The following SOX5 variants were observed in gnomAD, a reference collection of about 807,000 sequenced individuals.
SOX5 encodes the protein SRY-box transcription factor 5, also known as transcription factor SOX-5.
Under a neutral mutation model 92.0 loss-of-function variants are expected in SOX5, and 9 were observed. That is an observed-to-expected ratio of 0.10 (90% CI 0.06 to 0.17). The LOEUF (loss-of-function observed/expected upper bound fraction) is 0.17, where lower values mean the gene tolerates loss of function less well. Ranked by LOEUF, SOX5 falls within the 10% of genes least tolerant of loss-of-function variation. The pLI is 1.00. For synonymous variants in SOX5, 344 were observed against 336.3 expected (o/e 1.02, Z -0.25); for missense variants, 642 against 944.5 (o/e 0.68, Z 4.20).
chr12:23,599,722 TTGA>T (rs1953117255), intron 9 of SOX5, among the ~76,000 whole-genome samples: 1 of 152,214 alleles, frequency 6.6e-6, no homozygotes, highest in Non-Finnish European at 1.5e-5. Flanking sequence ...TGAGGACTTC[TTGA>T]TAACACAGAA....
intron 4 of SOX5, among the ~76,000 whole-genome samples, chr12:24,101,982 G>C (rs1352853063): frequency 1.3e-5 from 2 of 152,128 alleles, no homozygotes; most frequent in South Asian, 2.1e-4. Flanking sequence ...TGCAGCAAAG[G>C]ATTTCCTTTA....
At chr12:24,508,088 G>A (rs1377123566) in intron 1 of SOX5, among the ~76,000 whole-genome samples, 1 of 152,178 alleles carries the variant, frequency 6.6e-6, no homozygotes, top group African/African-American at 2.4e-5. Context: ...GCAGCCTCAA[G>A]TTCCATGCTA....
In SOX5 at chr12:23,800,250, C is replaced by T. The variant is rs75263422; in HGVS notation, c.482-44526G>A. On this transcript the variant is annotated intron_variant, in intron 3 of 14. Coordinates refer to ENST00000451604, the MANE Select transcript of SOX5 (RefSeq NM_006940.6). ...GTCTATAAGTAAAGTTTTGTTGGAA[C>T]ACACACAAAAATAAATTAACAAAAT... Among the ~76,000 whole-genome samples, 1,472 of 152,126 alleles carry T rather than the reference C, an allele frequency of 9.7e-3. 27 individuals carry two copies. The highest frequency in any genetic ancestry group is 0.033 in the African/African-American group (1,372 of 41,510).
intron 3 of SOX5, among the ~76,000 whole-genome samples, chr12:24,257,940 C>T (rs567326832): frequency 9.2e-5 from 14 of 151,946 alleles, no homozygotes; most frequent in African/African-American, 2.9e-4. Context: ...TTTGGGAGGC[C>T]GAGGCAAGTG....
chr12:24,422,670 T>C (rs1021065080), intron 1 of SOX5, among the ~76,000 whole-genome samples: 1 of 152,230 alleles, frequency 6.6e-6, no homozygotes, highest in East Asian at 1.9e-4. Context: ...ATATATTGAT[T>C]GCTTGAGGCC....
intron 4 of SOX5, among the ~76,000 whole-genome samples, chr12:24,172,020 A>C (rs1445188448): frequency 6.6e-6 from 1 of 152,010 alleles, no homozygotes; most frequent in Non-Finnish European, 1.5e-5. Context: ...AGAGAATATG[A>C]GAACTTGCCA....
chr12:23,895,701 T>G, intron 2 of SOX5, 92 bp downstream of exon 2: 1 of 812,202 alleles, frequency 1.2e-6, no homozygotes, highest in East Asian at 2.4e-5. Flanking sequence ...TAAGTAGATG[T>G]TAATTATAAA....
chr12:23,866,405 A>G (rs761796427), intron 2 of SOX5, among the ~76,000 whole-genome samples: 4 of 152,194 alleles, frequency 2.6e-5, no homozygotes, highest in Admixed American at 2.6e-4. Flanking sequence ...AAAGTGCCCA[A>G]AACAGCTCTG....
At chr12:23,755,433 A>G (rs545918774) in intron 4 of SOX5, among the ~76,000 whole-genome samples, 57 of 151,968 alleles carry the variant, frequency 3.8e-4, no homozygotes, top group African/African-American at 1.2e-3. Flanking sequence ...TGAAAACAAC[A>G]TATCATTTAT....
intron 1 of SOX5, among the ~76,000 whole-genome samples, chr12:23,922,596 G>C (rs1218658728): frequency 6.6e-6 from 1 of 152,138 alleles, no homozygotes; most frequent in East Asian, 1.9e-4. Context: ...CCAGTCTTTA[G>C]ACGCTATTAC....
At chr12:24,088,605 G>A (rs528908396) in intron 4 of SOX5, among the ~76,000 whole-genome samples, 58 of 151,606 alleles carry the variant, frequency 3.8e-4, no homozygotes, top group African/African-American at 1.4e-3. Flanking sequence ...CTTACTAGAT[G>A]CGAAAGGGCT....
intron 4 of SOX5, among the ~76,000 whole-genome samples, chr12:24,192,559 C>T (rs915308773): frequency 2.0e-5 from 3 of 152,124 alleles, no homozygotes; most frequent in Non-Finnish European, 4.4e-5. Flanking sequence ...AATGAAATAT[C>T]GAATTCAAAA....
At chr12:23,554,282 T>C (rs1287791969) in intron 11 of SOX5, among the ~76,000 whole-genome samples, 1 of 151,956 alleles carries the variant, frequency 6.6e-6, no homozygotes, top group African/African-American at 2.4e-5. Context: ...AAGGAGCAAA[T>C]ACAGGAAAAA....
In SOX5 at chr12:24,148,717, G is replaced by GA. The variant is rs1555138867; in HGVS notation, c.-2+64625dup. On this transcript the variant is annotated intron_variant, in intron 4 of 4. Transcript: ENST00000446891. The stretch of plus-strand genomic sequence containing the variant: ...AAAAAAAAAAAAAAAAAAAAAAAAA[G>GA]AAGAAAGAAAGAAAAGAAAAGAATT... 2.9e-4 allele frequency among the ~76,000 whole-genome samples: 11 copies of GA among 38,310 alleles called. 1 individual carries two copies. Among genetic ancestry groups the GA allele is most frequent in the East Asian group, 2.1e-3 (4 of 1,878 alleles). The allele number at this position is 38,310 out of a possible 152,430, so 25.1% of individuals were successfully genotyped here. A position where few individuals can be genotyped will look rare whatever the true frequency, so the allele number is the denominator to read the frequency against.
chr12:23,574,201 G>T (rs572111461), intron 10 of SOX5, among the ~76,000 whole-genome samples: 1 of 151,892 alleles, frequency 6.6e-6, no homozygotes, highest in East Asian at 1.9e-4. Flanking sequence ...ACCACACACA[G>T]CCTTTTTTGG....
chr12:23,767,938 A>C (rs542938567), intron 3 of SOX5, among the ~76,000 whole-genome samples: 1 of 152,272 alleles, frequency 6.6e-6, no homozygotes, highest in Admixed American at 6.5e-5. Context: ...TATGATATTT[A>C]CATATAATTT....
intron 4 of SOX5, among the ~76,000 whole-genome samples, chr12:24,094,338 CTGTT>C (rs1231000385): frequency 6.6e-6 from 1 of 152,046 alleles, no homozygotes; most frequent in Non-Finnish European, 1.5e-5. Flanking sequence ...CATAAAATGT[CTGTT>C]TATTACCTTT....
chr12:23,678,486 T>G (rs1452376035), intron 6 of SOX5, among the ~76,000 whole-genome samples: 2 of 152,138 alleles, frequency 1.3e-5, no homozygotes, highest in African/African-American at 4.8e-5. Flanking sequence ...TTGTGGCAAT[T>G]CTAATTTTAT....
intron 3 of SOX5, among the ~76,000 whole-genome samples, chr12:23,840,292 A>G (rs1411227524): frequency 1.3e-5 from 2 of 152,150 alleles, no homozygotes; most frequent in African/African-American, 4.8e-5. Context: ...TATGTTTAAG[A>G]TCTATATGTG....
Sources: allele counts gnomAD v4.1 joint callset (sites outside exome capture counted in the v4.1 genomes callset), GRCh38; gene constraint gnomAD v4.1.1; transcripts MANE v1.5; gene names NCBI Gene and HGNC (gene_info 2026-07-23, HGNC 2026-07-21).